Variants in RIC1 observed in about 807,000 individuals in gnomAD.
RIC1 encodes the protein guanine nucleotide exchange factor subunit RIC1.
A neutral mutation model predicts 169.0 loss-of-function variants in RIC1; 88 were observed. The ratio of observed to expected loss-of-function variants is 0.52; its 90% CI spans 0.44 to 0.62. The LOEUF is 0.62. RIC1 is among the 20% of genes least tolerant of loss of function. RIC1 has a pLI of 0.00. For missense variants in RIC1, 1,877 were observed against 1,725.5 expected (o/e 1.09, Z -1.56); for synonymous variants, 790 against 601.5 (o/e 1.31, Z -4.59).
At chr9:5,755,379 T>G (rs1372688007) in intron 15 of RIC1, among the ~76,000 whole-genome samples, 1 of 152,138 alleles carries the variant, frequency 6.6e-6, no homozygotes, top group African/African-American at 2.4e-5. Context: ...CATACATACC[T>G]ATGATAAAGT....
intron 1 of RIC1, among the ~76,000 whole-genome samples, chr9:5,641,991 C>A (rs796906337): frequency 6.9e-6 from 1 of 143,890 alleles, no homozygotes; most frequent in Non-Finnish European, 1.5e-5. Context: ...TGTAGATGTT[C>A]ATTGGTGTGT....
At chr9:5,629,707 C>T (rs1817624906) in intron 1 of RIC1, among the ~76,000 whole-genome samples, 1 of 152,000 alleles carries the variant, frequency 6.6e-6, no homozygotes, top group Non-Finnish European at 1.5e-5. Flanking sequence ...GTTGGACCGA[C>T]GGCCGCGGCG....
At chr9:5,679,992 C>G (rs1365286336) in intron 2 of RIC1, among the ~76,000 whole-genome samples, 1 of 152,132 alleles carries the variant, frequency 6.6e-6, no homozygotes. Flanking sequence ...ATAGATAGCT[C>G]TTACTATTTT....
chr9:5,645,342 TTTTG>T (rs1324058483), intron 1 of RIC1, among the ~76,000 whole-genome samples: 26 of 152,340 alleles, frequency 1.7e-4, no homozygotes, highest in African/African-American at 6.0e-4. Flanking sequence ...CCCAGACCAT[TTTTG>T]TTTAAGTGGA....
intron 1 of RIC1, among the ~76,000 whole-genome samples, chr9:5,648,672 C>T (rs900546996): frequency 2.0e-5 from 3 of 152,132 alleles, no homozygotes; most frequent in Non-Finnish European, 2.9e-5. Flanking sequence ...TTCTCATCAA[C>T]ATCTGTTATG....
At chr9:5,631,685 CAAAA>C (rs34448140) in intron 1 of RIC1, among the ~76,000 whole-genome samples, 3 of 66,370 alleles carry the variant, frequency 4.5e-5, no homozygotes, top group Non-Finnish European at 6.7e-5. Flanking sequence ...GACTCTGTCT[CAAAA>C]AAAAAAAAAA....
intron 3 of RIC1, among the ~76,000 whole-genome samples, chr9:5,699,690 ATTG>A (rs1228464214): frequency 6.6e-6 from 1 of 152,112 alleles, no homozygotes; most frequent in Admixed American, 6.6e-5. Flanking sequence ...ATAAAATGTA[ATTG>A]TTGGATTTTT....
At chr9:5,678,981 T>G (rs530303230) in intron 2 of RIC1, among the ~76,000 whole-genome samples, 1 of 151,088 alleles carries the variant, frequency 6.6e-6, no homozygotes, top group Non-Finnish European at 1.5e-5. Flanking sequence ...GTTTTAGGTC[T>G]AACATTTAAG....
At chr9:5,678,475 C>G (rs13287404) in intron 2 of RIC1, among the ~76,000 whole-genome samples, 4,552 of 151,590 alleles carry the variant, frequency 0.03, 69 homozygotes, top group Non-Finnish European at 0.036. Context: ...CAGTGTAAAA[C>G]TGTTCCTATT....
intron 2 of RIC1, among the ~76,000 whole-genome samples, chr9:5,680,745 CTTT>C (rs1355686157): frequency 1.4e-5 from 2 of 141,132 alleles, no homozygotes; most frequent in Admixed American, 7.3e-5. Flanking sequence ...CCGTTTTCTT[CTTT>C]ATTAGTCTTG....
chr9:5,757,229 A>T, intron 16 of RIC1, 84 bp from the exon 17 acceptor site: 1 of 1,454,432 alleles, frequency 6.9e-7, no homozygotes, highest in Non-Finnish European at 9.6e-7. Flanking sequence ...ATAAGCATGA[A>T]ATCTAATACT....
chr9:5,771,925 GTTT>G (rs890042219), intron 23 of RIC1, among the ~76,000 whole-genome samples: 1 of 151,892 alleles, frequency 6.6e-6, no homozygotes, highest in Non-Finnish European at 1.5e-5. Flanking sequence ...AAATATTTCA[GTTT>G]TTTTCCTACA....
At chr9:5,749,552 G>C (rs998668239) in intron 12 of RIC1, among the ~76,000 whole-genome samples, 1 of 152,078 alleles carries the variant, frequency 6.6e-6, no homozygotes, top group African/African-American at 2.4e-5. Context: ...TATGCTTCTT[G>C]TATAGCTTAG....
At chr9:5,637,882 G>T (rs1354894318) in intron 1 of RIC1, among the ~76,000 whole-genome samples, 4 of 152,120 alleles carry the variant, frequency 2.6e-5, no homozygotes, top group African/African-American at 9.7e-5. Flanking sequence ...TTCCAGTACT[G>T]TGTTGAATAA....
At chr9:5,753,438 TATTA>T (rs745470038) in intron 13 of RIC1, 94 bp from the exon 14 acceptor site, 22 of 841,894 alleles carry the variant, frequency 2.6e-5, no homozygotes, top group Middle Eastern at 2.3e-4. Context: ...AGCAAACATT[TATTA>T]ATTGTCTGTT....
chr9:5,647,550 T>G (rs1469446330), intron 1 of RIC1, among the ~76,000 whole-genome samples: 1 of 152,226 alleles, frequency 6.6e-6, no homozygotes, highest in Non-Finnish European at 1.5e-5. Context: ...CTAAGTACTT[T>G]ATTCTTTTTG....
chr9:5,675,701 G>T (rs1417255226), intron 2 of RIC1, among the ~76,000 whole-genome samples: 1 of 150,468 alleles, frequency 6.6e-6, no homozygotes, highest in Non-Finnish European at 1.5e-5. Context: ...AATTTTAGGG[G>T]GGAAAAATGT....
At position 5,773,053 on chromosome 9, in the gene RIC1, C is replaced by T. The variant is rs768342014; in HGVS notation, c.3956C>T (p.Ala1319Val). 6.2e-7 allele frequency: 1 copy of T among 1,612,610 alleles called. No homozygotes were observed. The highest frequency in any genetic ancestry group is 8.5e-7 in the Non-Finnish European group (1 of 1,179,238). Residue 1319 changes from alanine (A) to valine (V), a missense_variant, in exon 25 of 26, where the codon GCA becomes GTA. By Grantham distance (64) the Ala-to-Val change is moderately conservative (BLOSUM62 0). Transcript: ENST00000414202. Reference sequence around the variant, plus strand: ...CAGAACATAAAGACAGGGCTCCATGCAGTGGACCGATGGGCCTCTACAGAC... The same window carrying T: ...CAGAACATAAAGACAGGGCTCCATGTAGTGGACCGATGGGCCTCTACAGAC... ...MLQNIKTGLH[A>V]VDRWASTDCP...
intron 7 of RIC1, among the ~76,000 whole-genome samples, chr9:5,732,863 T>C (rs115721595): frequency 1.8e-3 from 281 of 152,270 alleles, no homozygotes; most frequent in African/African-American, 6.2e-3. Context: ...TGAGTGTGCT[T>C]TAGTTAACAA....
Sources: allele counts gnomAD v4.1 joint callset (sites outside exome capture counted in the v4.1 genomes callset), GRCh38; gene constraint gnomAD v4.1.1; transcripts MANE v1.5; gene names NCBI Gene and HGNC (gene_info 2026-07-23, HGNC 2026-07-21).